PWWP3B: variants seen among roughly 807,000 people sequenced by gnomAD.
PWWP3B encodes the protein PWWP domain containing 3B.
Under a neutral mutation model 15.7 loss-of-function variants are expected in PWWP3B, and 5 were observed. The ratio of observed to expected loss-of-function variants is 0.32; its 90% CI spans 0.17 to 0.67. PWWP3B has a LOEUF of 0.67. Ranked by LOEUF, PWWP3B falls within the 30% of genes least tolerant of loss-of-function variation. The probability of loss-of-function intolerance (pLI) is 0.74; values close to 1 mark genes in which losing one functional copy is unlikely to be tolerated. For missense variants in PWWP3B, 519 were observed against 493.1 expected (o/e 1.05, Z -0.50); for synonymous variants, 203 against 179.8 (o/e 1.13, Z -1.03).
chrX:106,182,530 GTGAGTC>G (rs772842223), intron 2 of PWWP3B, among the ~76,000 whole-genome samples: 27 of 111,778 alleles, frequency 2.4e-4, no homozygotes, highest in South Asian at 3.8e-4. Context: ...AAAAAGGTGT[GTGAGTC>G]TGTTGTTTTC....
At chrX:106,180,862 C>A (rs774214404) in intron 2 of PWWP3B, among the ~76,000 whole-genome samples, 100 of 112,160 alleles carry the variant, frequency 8.9e-4, no homozygotes, top group African/African-American at 3.2e-3. Context: ...ATTATTCTAA[C>A]CTTGTAATAT....
chrX:106,199,246 C>T (rs911666660), intron 2 of PWWP3B, among the ~76,000 whole-genome samples: 2 of 110,245 alleles, frequency 1.8e-5, no homozygotes, highest in Non-Finnish European at 3.8e-5. Flanking sequence ...TTAGTAGAGA[C>T]GGGGTTTCAC....
chrX:106,192,634 AG>A (rs758593560), intron 2 of PWWP3B, among the ~76,000 whole-genome samples: 2,128 of 110,833 alleles, frequency 0.019, 54 homozygotes, highest in African/African-American at 0.066. Context: ...TTGTGATGTT[AG>A]GTTGTCAATT....
Position 106,207,624 on chromosome X carries a change from G to A in PWWP3B, c.*101G>A. 8.5e-6 allele frequency: 7 copies of A among 826,850 alleles called. No homozygotes were observed. In the South Asian group the frequency reaches 1.9e-4, roughly 23 times the overall value. The allele number at this position is 826,850 out of a possible 1,213,427, so 68.1% of individuals were successfully genotyped here. A position where few individuals can be genotyped will look rare whatever the true frequency, so the allele number is the denominator to read the frequency against. The stretch of plus-strand genomic sequence containing the variant: ...TAATACATATTTTCTGCAAATGGGA[G>A]CATGGATAATGTGTTCACTTTTTTT... On this transcript the variant is annotated 3_prime_UTR_variant, in exon 4 of 4. Transcript: ENST00000357175.
rs1027198221 is a variant in PWWP3B, at chrX:106,207,992, A to G, written c.*469A>G. 2 of 124,226 alleles carry G rather than the reference A, an allele frequency of 1.6e-5. No individual in the cohort carries two copies. The highest frequency in any genetic ancestry group is 3.2e-5 in the African/African-American group (1 of 30,927). 10.2% of individuals were successfully genotyped at this position (124,226 alleles called of 1,213,427 possible). ...ATTGGGTTTTCCCTTAAGATAGTTG[A>G]AGTATTTTTCTTGCCATGCCTATTT... On this transcript the variant is annotated 3_prime_UTR_variant, in exon 4 of 4. Transcript: ENST00000357175.
At chrX:106,173,678 A>C (rs758478191) in intron 2 of PWWP3B, among the ~76,000 whole-genome samples, 11 of 112,138 alleles carry the variant, frequency 9.8e-5, no homozygotes, top group Non-Finnish European at 1.5e-4. Flanking sequence ...GAGGCTTCTT[A>C]AAAAACAAAA....
chrX:106,187,123 G>A (rs1367625575), intron 2 of PWWP3B, among the ~76,000 whole-genome samples: 1 of 111,334 alleles, frequency 9.0e-6, no homozygotes, highest in Admixed American at 9.6e-5. Context: ...GAGAATGGTG[G>A]GATTAAGGGA....
chrX:106,183,867 CTGTT>C (rs748851122), intron 2 of PWWP3B, among the ~76,000 whole-genome samples: 3 of 112,520 alleles, frequency 2.7e-5, no homozygotes, highest in Non-Finnish European at 5.6e-5. Context: ...GTTGGATCAT[CTGTT>C]TGGGGCTTCT....
At chrX:106,172,407 A>G (rs1334950811) in intron 2 of PWWP3B, among the ~76,000 whole-genome samples, 2 of 111,229 alleles carry the variant, frequency 1.8e-5, no homozygotes, top group African/African-American at 3.3e-5. Context: ...AAATAAAATA[A>G]TTTCTTTCTT....
At chrX:106,186,622 G>A (rs765642892) in intron 2 of PWWP3B, among the ~76,000 whole-genome samples, 5 of 110,985 alleles carry the variant, frequency 4.5e-5, no homozygotes, top group Non-Finnish European at 9.4e-5. Context: ...CTTCAAGAAT[G>A]AAGCCACGGG....
rs766413901 is a variant in PWWP3B, at chrX:106,200,263, G to C, written c.-400-3722G>C. On this transcript the variant is annotated intron_variant, in intron 2 of 3. Coordinates refer to ENST00000357175, the MANE Select transcript of PWWP3B (RefSeq NM_001171020.2). ...GGTCTCTTAATGACTGCTTAGAACA[G>C]AGAAACTTGCCCCTATTTGGCCACG... Among the ~76,000 whole-genome samples, 14 of 111,707 alleles carry C rather than the reference G, an allele frequency of 1.3e-4. No individual in the cohort carries two copies. In the South Asian group the frequency reaches 5.3e-3, roughly 42 times the overall value.
intron 2 of PWWP3B, among the ~76,000 whole-genome samples, chrX:106,202,781 GA>G (rs914466478): frequency 1.9e-4 from 21 of 111,744 alleles, no homozygotes; most frequent in Non-Finnish European, 3.2e-4. Flanking sequence ...AGTATAAGGT[GA>G]AAAAAATTAT....
At chrX:106,203,617 T>C (rs1923823352) in intron 2 of PWWP3B, among the ~76,000 whole-genome samples, 2 of 112,067 alleles carry the variant, frequency 1.8e-5, no homozygotes, top group Admixed American at 1.9e-4. Flanking sequence ...TGCAATTCCA[T>C]TGAAAAAAAA....
intron 2 of PWWP3B, among the ~76,000 whole-genome samples, chrX:106,174,271 C>T (rs1921772463): frequency 9.0e-6 from 1 of 111,651 alleles, no homozygotes; most frequent in African/African-American, 3.3e-5. Flanking sequence ...TGTTTACCCA[C>T]TCACTGTGAT....
At chrX:106,198,371 A>T (rs2147627961) in intron 2 of PWWP3B, among the ~76,000 whole-genome samples, 1 of 111,593 alleles carries the variant, frequency 9.0e-6, no homozygotes, top group South Asian at 3.8e-4. Flanking sequence ...CACACCCTAG[A>T]TGACCCACCC....
chrX:106,205,452 T>A lies in PWWP3B; in HGVS notation c.20T>A (p.Leu7Gln), dbSNP rs199528480. 8.6e-3 allele frequency: 10,081 copies of A among 1,170,852 alleles called. 47 individuals carry two copies. The highest frequency in any genetic ancestry group is 0.011 in the Non-Finnish European group (9,494 of 876,798). Residue 7 changes from leucine to glutamine, a missense_variant, in exon 4 of 4, where the codon CTA becomes CAA. Transcript: ENST00000357175. ...ACCATAATGGAGTCTGAGTATGTCCTATGCAACTGGAAAGACCAGTTGTGG... is the reference window on the plus strand; with the variant it reads ...ACCATAATGGAGTCTGAGTATGTCCAATGCAACTGGAAAGACCAGTTGTGG... MESEYV[L>Q]CNWKDQLWPA...
intron 2 of PWWP3B, among the ~76,000 whole-genome samples, chrX:106,196,260 C>T (rs1315431704): frequency 1.8e-5 from 2 of 111,369 alleles, no homozygotes; most frequent in Non-Finnish European, 3.8e-5. Flanking sequence ...CCTTCCAATC[C>T]GTACATAATT....
chrX:106,183,393 T>TG (rs1922325464), intron 2 of PWWP3B, among the ~76,000 whole-genome samples: 1 of 111,473 alleles, frequency 9.0e-6, no homozygotes. Context: ...GGAAAAGTGG[T>TG]GGGGTCTTTT....
At chrX:106,190,570 T>G (rs1922863310) in intron 2 of PWWP3B, among the ~76,000 whole-genome samples, 1 of 112,076 alleles carries the variant, frequency 8.9e-6, no homozygotes, top group African/African-American at 3.2e-5. Flanking sequence ...TTGTCAATTT[T>G]GGCTTTTGTT....
Sources: gnomAD v4.1 joint callset for allele counts (sites outside exome capture counted in the v4.1 genomes callset) on GRCh38, gnomAD v4.1.1 for gene constraint, MANE v1.5 for transcripts, NCBI Gene and HGNC (gene_info 2026-07-23, HGNC 2026-07-21) for gene names.